ERCC6L2: variants seen among roughly 807,000 people sequenced by gnomAD.
ERCC6L2 encodes ERCC excision repair 6 like 2, also known as DNA excision repair protein ERCC-6-like 2.
A neutral mutation model predicts 132.0 loss-of-function variants in ERCC6L2; 77 were observed. The observed-to-expected ratio is 0.58, with a 90% CI of 0.49 to 0.71. The LOEUF (loss-of-function observed/expected upper bound fraction) is 0.71, where lower values mean the gene tolerates loss of function less well. ERCC6L2 is among the 30% of genes least tolerant of loss of function. The probability of loss-of-function intolerance (pLI) is 0.00; values close to 1 mark genes in which losing one functional copy is unlikely to be tolerated. For synonymous variants in ERCC6L2, 583 were observed against 632.4 expected (o/e 0.92, Z 1.17); for missense variants, 1,542 against 1,837.6 (o/e 0.84, Z 2.94).
chr9:95,952,166 TAAAAA>T (rs57310402), intron 12 of ERCC6L2, among the ~76,000 whole-genome samples: 1 of 57,738 alleles, frequency 1.7e-5, no homozygotes, highest in East Asian at 5.9e-4. Flanking sequence ...GACTCCATCT[TAAAAA>T]AAAAAAAAAA....
intron 1 of ERCC6L2, among the ~76,000 whole-genome samples, chr9:95,880,466 C>T (rs1827529666): frequency 6.6e-6 from 1 of 152,132 alleles, no homozygotes; most frequent in East Asian, 1.9e-4. Flanking sequence ...ATATTTTAGT[C>T]AGTGGCTCTC....
chr9:96,003,581 G>A (rs1028774373), intron 17 of ERCC6L2, among the ~76,000 whole-genome samples: 1 of 152,106 alleles, frequency 6.6e-6, no homozygotes, highest in East Asian at 1.9e-4. Flanking sequence ...GTTTAATGCA[G>A]GGAGTTAAAC....
At position 96,001,982 on chromosome 9, in the gene ERCC6L2, G is replaced by A. The variant is rs1055280293; in HGVS notation, c.3493-2538G>A. On this transcript the variant is annotated intron_variant, in intron 17 of 18. Coordinates refer to ENST00000653738, the MANE Select transcript of ERCC6L2 (RefSeq NM_020207.7). ...CCCGGGTGCTAAGTCCCCCATTGCC[G>A]GGGACCAGCAGGGCTGGCTGGCTGC... is the stretch of plus-strand genomic sequence containing the variant. Among the ~76,000 whole-genome samples, 12 of 152,372 alleles carry A rather than the reference G, an allele frequency of 7.9e-5. 1 individual carries two copies. Among genetic ancestry groups the A allele is most frequent in the South Asian group, 4.1e-4 (2 of 4,830 alleles).
chr9:95,996,593 C>CTT (rs948525716), intron 17 of ERCC6L2, among the ~76,000 whole-genome samples: 21 of 152,204 alleles, frequency 1.4e-4, no homozygotes, highest in African/African-American at 5.1e-4. Context: ...CAGCTGGGGA[C>CTT]TTTAAGTAGA....
At chr9:95,912,695 T>G (rs1287925696) in intron 4 of ERCC6L2, among the ~76,000 whole-genome samples, 1 of 152,200 alleles carries the variant, frequency 6.6e-6, no homozygotes, top group Non-Finnish European at 1.5e-5. Flanking sequence ...AAGGTTCAGG[T>G]GATGAATTTG....
intron 17 of ERCC6L2, among the ~76,000 whole-genome samples, chr9:95,981,249 G>C (rs1419566108): frequency 6.6e-6 from 1 of 152,090 alleles, no homozygotes; most frequent in Non-Finnish European, 1.5e-5. Context: ...TGGTCTTTCA[G>C]AGTTTTTCCA....
chr9:95,999,234 G>T (rs547362614), intron 17 of ERCC6L2, among the ~76,000 whole-genome samples: 2 of 152,054 alleles, frequency 1.3e-5, no homozygotes, highest in Non-Finnish European at 2.9e-5. Context: ...GGTGGTGGGC[G>T]CCTGTAGTCC....
chr9:95,971,599 A>G (rs1003606364), intron 15 of ERCC6L2: 2 of 161,698 alleles, frequency 1.2e-5, no homozygotes, highest in African/African-American at 4.8e-5. Flanking sequence ...TTAAGCAGTA[A>G]GTTGTATGCT....
intron 17 of ERCC6L2, among the ~76,000 whole-genome samples, chr9:95,987,476 C>A (rs1402762170): frequency 6.6e-6 from 1 of 152,172 alleles, no homozygotes; most frequent in African/African-American, 2.4e-5. Flanking sequence ...GTCCAGAATC[C>A]AGTGGGGCAG....
chr9:95,939,046 TA>T (rs913869791), intron 11 of ERCC6L2, among the ~76,000 whole-genome samples: 11 of 152,136 alleles, frequency 7.2e-5, no homozygotes, highest in African/African-American at 2.7e-4. Context: ...GAATGAAGTA[TA>T]GAAATTTTAC....
chr9:95,917,702 T>A (rs1422661286), intron 6 of ERCC6L2, among the ~76,000 whole-genome samples: 1 of 152,228 alleles, frequency 6.6e-6, no homozygotes, highest in Admixed American at 6.5e-5. Flanking sequence ...GCTTGGCCTC[T>A]GAAATCAAAT....
downstream of ERCC6L2, chr9:96,021,681 C>G (rs2133250555): frequency 6.5e-6 from 1 of 153,358 alleles, no homozygotes; most frequent in South Asian, 2.1e-4. This position sits in a 1 kb window ranked among gnomAD's most constrained non-coding sequence, Gnocchi z 4.7. Flanking sequence ...GGGTCCGCTC[C>G]CTTCCCCGCC....
chr9:96,009,097 C>A (rs906830755), intron 18 of ERCC6L2, among the ~76,000 whole-genome samples: 6 of 152,218 alleles, frequency 3.9e-5, no homozygotes, highest in African/African-American at 7.2e-5. Flanking sequence ...ATGTTGCAAT[C>A]AGCATTGTGA....
At chr9:95,880,257 G>C (rs1355048992) in intron 1 of ERCC6L2, among the ~76,000 whole-genome samples, 1 of 152,116 alleles carries the variant, frequency 6.6e-6, no homozygotes, top group Non-Finnish European at 1.5e-5. Flanking sequence ...TAAAGTAAAG[G>C]CTTAGAGGCA....
intron 17 of ERCC6L2, among the ~76,000 whole-genome samples, chr9:95,988,374 TG>T (rs1833173338): frequency 6.6e-6 from 1 of 152,236 alleles, no homozygotes; most frequent in South Asian, 2.1e-4. Flanking sequence ...GGTAAGTTGA[TG>T]TTTTATTTTG....
intron 3 of ERCC6L2, among the ~76,000 whole-genome samples, chr9:95,904,854 A>C (rs1828952948): frequency 6.6e-6 from 1 of 152,226 alleles, no homozygotes; most frequent in Non-Finnish European, 1.5e-5. Context: ...TAAATAATTC[A>C]GTATTCTCTA....
At chr9:95,927,752 A>C (rs1399477140) in intron 9 of ERCC6L2, among the ~76,000 whole-genome samples, 1 of 152,208 alleles carries the variant, frequency 6.6e-6, no homozygotes, top group Admixed American at 6.5e-5. Flanking sequence ...TTGTAGGTAT[A>C]AAGAAAGTGT....
At chr9:96,007,518 AT>A (rs1276055990) in intron 18 of ERCC6L2, among the ~76,000 whole-genome samples, 2 of 152,206 alleles carry the variant, frequency 1.3e-5, no homozygotes, top group Non-Finnish European at 2.9e-5. Context: ...GATGGCATAA[AT>A]GTTAAAGAGG....
chr9:95,912,395 G>A (rs1366135650), intron 4 of ERCC6L2, among the ~76,000 whole-genome samples: 1 of 151,946 alleles, frequency 6.6e-6, no homozygotes, highest in African/African-American at 2.4e-5. Flanking sequence ...GTGTGTGTAT[G>A]TATGTATATA....
Sources: gnomAD v4.1 joint callset for allele counts (sites outside exome capture counted in the v4.1 genomes callset) on GRCh38, gnomAD v4.1.1 for gene constraint, Gnocchi (gnomAD v3.1) non-coding constraint, MANE v1.5 for transcripts, NCBI Gene and HGNC (gene_info 2026-07-23, HGNC 2026-07-21) for gene names.